MROH1: variants seen among roughly 807,000 people sequenced by gnomAD.
MROH1 encodes maestro heat-like repeat-containing protein family member 1.
A neutral mutation model predicts 116.5 loss-of-function variants in MROH1; 117 were observed. The observed-to-expected ratio is 1.00, with a 90% CI of 0.86 to 1.17. The LOEUF (loss-of-function observed/expected upper bound fraction) is 1.17, where lower values mean the gene tolerates loss of function less well. Ranked by LOEUF, MROH1 falls within the 50% of genes most tolerant of loss-of-function variation. The probability of loss-of-function intolerance (pLI) is 0.00; values close to 1 mark genes in which losing one functional copy is unlikely to be tolerated. For synonymous variants in MROH1, 921 were observed against 583.9 expected (o/e 1.58, Z -8.32); for missense variants, 1,873 against 1,338.5 (o/e 1.40, Z -6.23).
At chr8:144,261,063 G>C (rs1844948977) in intron 41 of MROH1, 22 bp downstream of exon 41, 2 of 772,694 alleles carry the variant, frequency 2.6e-6, no homozygotes. Flanking sequence ...GGCCAGGCGG[G>C]GCGTGGTGGG....
At position 144,163,840 on chromosome 8, in the gene MROH1, C is replaced by T. The variant is rs749180126; in HGVS notation, c.14C>T (p.Ser5Phe). MTES[S>F]MKKLASTLLD... ...GAAACCACAGACATGACTGAGTCCT[C>T]CATGAAGAGTGAGTGCATGGGGATT... The change falls in exon 3 of 44, where the codon TCC becomes TTC. Residue 5 changes from serine (S) to phenylalanine (F), a missense_variant. Ser to Phe is a radical substitution (Grantham distance 155). Coordinates refer to ENST00000326134, the MANE Select transcript of MROH1 (RefSeq NM_032450.3). This position sits in a 1 kb window ranked among gnomAD's most constrained non-coding sequence, Gnocchi z 4.4. 1.2e-6 allele frequency: 2 copies of T among 1,613,676 alleles called. No homozygotes were observed. Among genetic ancestry groups the T allele is most frequent in the Non-Finnish European group, 1.7e-6 (2 of 1,179,746 alleles).
At chr8:144,252,662 C>CT (rs1843030145) in intron 33 of MROH1, 1 of 146,260 alleles carries the variant, frequency 6.8e-6, no homozygotes, top group African/African-American at 2.5e-5. Context: ...AGCAAGAACT[C>CT]TGTCTCAAAA....
chr8:144,169,588 A>G (rs1038973957), intron 4 of MROH1, among the ~76,000 whole-genome samples: 7 of 150,078 alleles, frequency 4.7e-5, no homozygotes, highest in Admixed American at 1.3e-4. Context: ...AGTAGCTGGG[A>G]CTACAGGTGT....
chr8:144,177,967 C>CTTT lies in MROH1; in HGVS notation c.169-1477_169-1475dup, dbSNP rs61011280. 9.7e-5 allele frequency among the ~76,000 whole-genome samples: 14 copies of CTTT among 143,882 alleles called. 1 individual carries two copies. The highest frequency in any genetic ancestry group is 3.6e-4 in the African/African-American group (14 of 39,218). 94.4% of individuals were successfully genotyped at this position (143,882 alleles called of 152,430 possible). A position where few individuals can be genotyped will look rare whatever the true frequency, so the allele number is the denominator to read the frequency against. On this transcript the variant is annotated intron_variant, in intron 4 of 43. Transcript: ENST00000326134. The stretch of plus-strand genomic sequence containing the variant: ...TACCCAGTCTCCGGTATTTCTTCTT[C>CTTT]TTTTTTTTTTTTTCTTTGAGACAGT...
intron 1 of MROH1, among the ~76,000 whole-genome samples, chr8:144,150,017 TC>T (rs1816341513): frequency 1.3e-5 from 2 of 152,122 alleles, no homozygotes; most frequent in Admixed American, 6.5e-5. Flanking sequence ...CCTCCCAGTC[TC>T]CCTGCACACA....
intron 7 of MROH1, among the ~76,000 whole-genome samples, chr8:144,184,572 A>G (rs1221003954): frequency 6.6e-6 from 1 of 152,220 alleles, no homozygotes; most frequent in East Asian, 1.9e-4. Context: ...ACAGTCTAGA[A>G]ACAAAACTGT....
chr8:144,241,239 G>A, intron 21 of MROH1, 128 bp downstream of exon 21: 1 of 691,326 alleles, frequency 1.4e-6, no homozygotes, highest in Admixed American at 2.0e-5. Context: ...CAGGTGGTGT[G>A]CGTATATGCA....
At chr8:144,234,571 C>CA (rs1172976171) in intron 14 of MROH1, among the ~76,000 whole-genome samples, 5 of 110,238 alleles carry the variant, frequency 4.5e-5, no homozygotes, top group African/African-American at 1.7e-4. Flanking sequence ...GGCTGGAGTG[C>CA]AGTGGCACAG....
In MROH1 at chr8:144,163,268, C is replaced by T. The variant is rs185276881; in HGVS notation, c.-56-503C>T. 3.3e-5 allele frequency among the ~76,000 whole-genome samples: 5 copies of T among 152,282 alleles called. No homozygotes were observed. The highest frequency in any genetic ancestry group is 4.8e-5 in the African/African-American group (2 of 41,554). The stretch of plus-strand genomic sequence containing the variant: ...GGTGGGCCTGCAGCCCCTCTGATGA[C>T]GTAGGTCCTCAGAAAGCGTGACACA... On this transcript the variant is annotated intron_variant, in intron 2 of 43. Transcript: ENST00000326134. The surrounding 1 kb of genome is among the most constrained non-coding windows in gnomAD (Gnocchi z 4.4).
intron 12 of MROH1, among the ~76,000 whole-genome samples, chr8:144,209,509 G>A (rs1331621922): frequency 6.6e-6 from 1 of 150,942 alleles, no homozygotes; most frequent in African/African-American, 2.4e-5. Context: ...AACCCAGGAG[G>A]CAGAGCTTGC....
chr8:144,179,428 A>G (rs1824962500), intron 4 of MROH1, 27 bp from the exon 5 acceptor site: 1 of 1,609,278 alleles, frequency 6.2e-7, no homozygotes, highest in Non-Finnish European at 8.5e-7. Flanking sequence ...CTCACCTGGG[A>G]CCGACCTGGA....
At chr8:144,186,368 C>T (rs1337726547) in intron 7 of MROH1, among the ~76,000 whole-genome samples, 2 of 152,038 alleles carry the variant, frequency 1.3e-5, no homozygotes, top group Admixed American at 6.5e-5. Context: ...GTGATCTGTC[C>T]ACCTCGGCCT....
chr8:144,233,839 A>T (rs1406277596), intron 14 of MROH1, among the ~76,000 whole-genome samples: 1 of 152,182 alleles, frequency 6.6e-6, no homozygotes, highest in East Asian at 1.9e-4. Context: ...GGGAAATACA[A>T]GTTCTCCAAC....
At chr8:144,178,753 G>T (rs1330070493) in intron 4 of MROH1, among the ~76,000 whole-genome samples, 1 of 152,154 alleles carries the variant, frequency 6.6e-6, no homozygotes, top group African/African-American at 2.4e-5. Context: ...GGTGCCCCAG[G>T]TTCCTTTCCT....
At chr8:144,253,771 T>C (rs2133231592) in intron 33 of MROH1, among the ~76,000 whole-genome samples, 1 of 152,144 alleles carries the variant, frequency 6.6e-6, no homozygotes, top group South Asian at 2.1e-4. Flanking sequence ...TGACTGTTCT[T>C]TCCGTGGCTT....
chr8:144,243,326 C>T (rs893659391), intron 24 of MROH1, among the ~76,000 whole-genome samples, 168 bp from the exon 25 acceptor site: 4 of 152,238 alleles, frequency 2.6e-5, no homozygotes, highest in Non-Finnish European at 4.4e-5. Context: ...CCCTGGGTGG[C>T]CCCCCGCTTC....
intron 13 of MROH1, among the ~76,000 whole-genome samples, chr8:144,221,279 G>A (rs1836685594): frequency 6.6e-6 from 1 of 152,182 alleles, no homozygotes; most frequent in Non-Finnish European, 1.5e-5. Context: ...CCTGTCACAT[G>A]AGACCATCTG....
intron 4 of MROH1, among the ~76,000 whole-genome samples, chr8:144,170,166 A>G (rs982521501): frequency 1.6e-4 from 24 of 152,168 alleles, no homozygotes; most frequent in Non-Finnish European, 2.2e-4. Flanking sequence ...TTGGGGGAGA[A>G]TGAGGAGGAG....
intron 19 of MROH1, 103 bp downstream of exon 19, chr8:144,240,256 G>T: frequency 1.6e-6 from 1 of 644,884 alleles, no homozygotes; most frequent in South Asian, 1.8e-5. Flanking sequence ...CTCACCTCGT[G>T]GTTTGGCTGG....
Sources: gnomAD v4.1 joint callset for allele counts (sites outside exome capture counted in the v4.1 genomes callset) on GRCh38, gnomAD v4.1.1 for gene constraint, Gnocchi (gnomAD v3.1) non-coding constraint, MANE v1.5 for transcripts, NCBI Gene and HGNC (gene_info 2026-07-23, HGNC 2026-07-21) for gene names.